Variants in RNLS observed in about 807,000 individuals in gnomAD.
RNLS encodes renalase.
In RNLS, 39 loss-of-function variants were observed where a neutral mutation model predicts 39.8. That is an observed-to-expected ratio of 0.98 (90% CI 0.76 to 1.28). RNLS has a LOEUF of 1.28. Among genes scored for constraint, RNLS ranks in the 50% most tolerant of loss-of-function variants. The pLI is 0.00. For missense variants in RNLS, 410 were observed against 413.3 expected (o/e 0.99, Z 0.07); for synonymous variants, 147 against 150.7 (o/e 0.98, Z 0.18).
chr10:88,252,592 C>T, the RNLS span, among the ~76,000 whole-genome samples: 1 of 152,208 alleles, frequency 6.6e-6, no homozygotes, highest in African/African-American at 2.4e-5. Context: ...TCCTCTGCTG[C>T]AGAAAACATT....
chr10:88,343,913 G>C (rs1228779041), intron 5 of RNLS: 1 of 672,950 alleles, frequency 1.5e-6, no homozygotes, highest in Admixed American at 6.3e-5. Context: ...GCTCTCACTG[G>C]AGTTCTCCTT....
rs148237472 is a variant in RNLS at position 88,576,926 on chromosome 10, G to A, written c.368-3865C>T. ...GATGATAAAATAAAAACAAATAAAT[G>A]CAGCAACAGCCCTCCCTATTGGTAG... On this transcript the variant is annotated intron_variant, in intron 3 of 6. Transcript: ENST00000331772. Among the ~76,000 whole-genome samples, 213 of 152,172 alleles carry A rather than the reference G, an allele frequency of 1.4e-3. 1 individual carries two copies. In the Middle Eastern group the frequency reaches 0.017, roughly 12 times the overall value.
At chr10:88,429,072 TA>T (rs113160478) in intron 4 of RNLS, among the ~76,000 whole-genome samples, 2 of 151,768 alleles carry the variant, frequency 1.3e-5, no homozygotes, top group Admixed American at 6.6e-5. Flanking sequence ...AAAGAAGCTT[TA>T]AAAAAAATCA....
intron 4 of RNLS, among the ~76,000 whole-genome samples, chr10:88,374,327 A>G (rs1383675455): frequency 6.6e-6 from 1 of 152,112 alleles, no homozygotes; most frequent in Non-Finnish European, 1.5e-5. Context: ...CTCCTTATTA[A>G]CAAGGTATCT....
chr10:88,207,510 T>C, the RNLS span, among the ~76,000 whole-genome samples: 1 of 152,068 alleles, frequency 6.6e-6, no homozygotes, highest in African/African-American at 2.4e-5. Flanking sequence ...AGTCAAAATT[T>C]AAAAAGACTG....
chr10:88,489,442 T>C (rs150069269), intron 4 of RNLS, among the ~76,000 whole-genome samples: 1 of 152,166 alleles, frequency 6.6e-6, no homozygotes, highest in African/African-American at 2.4e-5. Context: ...TAGCAATAAA[T>C]TGGGAACAAG....
chr10:88,559,158 GTAT>G (rs1223597555), intron 4 of RNLS, among the ~76,000 whole-genome samples: 3 of 152,038 alleles, frequency 2.0e-5, no homozygotes, highest in Non-Finnish European at 4.4e-5. Context: ...GAAGTTGAAG[GTAT>G]TCATTATGGG....
At chr10:88,312,674 T>G (rs1446257477) in intron 6 of RNLS, among the ~76,000 whole-genome samples, 1 of 152,212 alleles carries the variant, frequency 6.6e-6, no homozygotes, top group Non-Finnish European at 1.5e-5. Flanking sequence ...CTCATAAGAC[T>G]GCTTTTAAAA....
At chr10:88,282,366 G>C (rs181223309), downstream of RNLS, among the ~76,000 whole-genome samples, 1 of 151,970 alleles carries the variant, frequency 6.6e-6, no homozygotes, top group Non-Finnish European at 1.5e-5. Flanking sequence ...ATAACATTAC[G>C]TGACCCTGGT....
chr10:88,569,728 T>A (rs998737466), intron 4 of RNLS, among the ~76,000 whole-genome samples: 1 of 152,216 alleles, frequency 6.6e-6, no homozygotes. Flanking sequence ...AAAGACTCCC[T>A]ATTTAATAAG....
the RNLS span, among the ~76,000 whole-genome samples, chr10:88,185,626 A>T: frequency 6.6e-6 from 1 of 152,162 alleles, no homozygotes; most frequent in African/African-American, 2.4e-5. Flanking sequence ...ATAAGGACCC[A>T]GTATAGATTG....
At chr10:88,322,289 T>C (rs1367456156) in intron 5 of RNLS, among the ~76,000 whole-genome samples, 1 of 152,100 alleles carries the variant, frequency 6.6e-6, no homozygotes, top group Non-Finnish European at 1.5e-5. Context: ...TAACTAAAAA[T>C]AATAAGAGCC....
chr10:88,549,624 A>T (rs2134328855), intron 4 of RNLS, among the ~76,000 whole-genome samples: 1 of 152,288 alleles, frequency 6.6e-6, no homozygotes, highest in East Asian at 1.9e-4. Flanking sequence ...GTAAAAAAGC[A>T]GTGTCAGGGA....
At chr10:88,465,767 C>T (rs1290543243) in intron 4 of RNLS, among the ~76,000 whole-genome samples, 1 of 152,010 alleles carries the variant, frequency 6.6e-6, no homozygotes, top group Non-Finnish European at 1.5e-5. Context: ...TTAGTAGTTG[C>T]TTACACAATC....
intron 4 of RNLS, among the ~76,000 whole-genome samples, chr10:88,568,167 C>T (rs2134422452): frequency 6.6e-6 from 1 of 152,202 alleles, no homozygotes; most frequent in African/African-American, 2.4e-5. Context: ...AAGAACATGC[C>T]ATATTTTGTT....
At chr10:88,304,153 ACT>A (rs1844746916) in intron 6 of RNLS, among the ~76,000 whole-genome samples, 1 of 152,172 alleles carries the variant, frequency 6.6e-6, no homozygotes, top group African/African-American at 2.4e-5. Flanking sequence ...CCACAATCAA[ACT>A]CTCAAGGTCA....
At chr10:88,564,754 T>C (rs1590028332) in intron 4 of RNLS, among the ~76,000 whole-genome samples, 1 of 152,240 alleles carries the variant, frequency 6.6e-6, no homozygotes, top group African/African-American at 2.4e-5. Flanking sequence ...AGAAAGTAAA[T>C]CATAAGAGGG....
intron 4 of RNLS, among the ~76,000 whole-genome samples, chr10:88,544,439 T>C (rs1351241955): frequency 6.6e-6 from 1 of 152,192 alleles, no homozygotes; most frequent in East Asian, 1.9e-4. Context: ...TCTTTTATAT[T>C]TCTGTTTTGT....
At chr10:88,411,972 T>C (rs1453665943) in intron 4 of RNLS, among the ~76,000 whole-genome samples, 2 of 152,034 alleles carry the variant, frequency 1.3e-5, no homozygotes, top group African/African-American at 4.8e-5. Context: ...GAAGCTTTTG[T>C]GGTTAATGTG....
Sources: gnomAD v4.1 joint callset for allele counts (sites outside exome capture counted in the v4.1 genomes callset) on GRCh38, gnomAD v4.1.1 for gene constraint, MANE v1.5 for transcripts, NCBI Gene and HGNC (gene_info 2026-07-23, HGNC 2026-07-21) for gene names.